The following ALKAL1 variants were observed in gnomAD, a reference collection of about 807,000 sequenced individuals.
ALKAL1 encodes AUG-beta.
Under a neutral mutation model 13.5 loss-of-function variants are expected in ALKAL1, and 23 were observed. The observed-to-expected ratio is 1.70, with a 90% CI of 1.23 to 2.41. The LOEUF (loss-of-function observed/expected upper bound fraction) is 2.41, where lower values mean the gene tolerates loss of function less well. Among genes scored for constraint, ALKAL1 ranks in the 30% most tolerant of loss-of-function variants. ALKAL1 has a pLI of 0.00. For synonymous variants in ALKAL1, 85 were observed against 77.7 expected (o/e 1.09, Z -0.49); for missense variants, 181 against 178.4 (o/e 1.01, Z -0.08).
At chr8:52,536,882 A>G (rs1248541700) in intron 4 of ALKAL1, among the ~76,000 whole-genome samples, 2 of 152,358 alleles carry the variant, frequency 1.3e-5, no homozygotes, top group Middle Eastern at 3.4e-3. Context: ...GATATTTTAA[A>G]CTAATTCATT....
At chr8:52,563,999 T>C (rs1431335300) in intron 1 of ALKAL1, among the ~76,000 whole-genome samples, 4 of 152,250 alleles carry the variant, frequency 2.6e-5, no homozygotes, top group African/African-American at 4.8e-5. Context: ...AATAAGTATA[T>C]ATTTATATCA....
intron 1 of ALKAL1, among the ~76,000 whole-genome samples, chr8:52,549,994 T>C (rs1006073273): frequency 6.6e-6 from 1 of 152,278 alleles, no homozygotes; most frequent in East Asian, 1.9e-4. Flanking sequence ...AAAAATAAAC[T>C]GTCATAAAAT....
At chr8:52,538,973 G>A (rs1847288415) in intron 3 of ALKAL1, among the ~76,000 whole-genome samples, 1 of 150,794 alleles carries the variant, frequency 6.6e-6, no homozygotes, top group South Asian at 2.1e-4. Flanking sequence ...TGTATTTTTG[G>A]TAGAGACAGG....
intron 1 of ALKAL1, among the ~76,000 whole-genome samples, chr8:52,547,477 G>A (rs1276354372): frequency 6.6e-6 from 1 of 152,106 alleles, no homozygotes; most frequent in Non-Finnish European, 1.5e-5. Flanking sequence ...TCCAGCCTGG[G>A]TGACAGAGCA....
intron 1 of ALKAL1, among the ~76,000 whole-genome samples, chr8:52,563,379 C>T (rs952041242): frequency 6.6e-6 from 1 of 152,048 alleles, no homozygotes; most frequent in African/African-American, 2.4e-5. Flanking sequence ...TGCAATGAGC[C>T]GAGATCACGC....
rs1005852200 is a variant in ALKAL1, at chr8:52,565,045, G to A, written c.190+22C>T. The A allele has an allele frequency of 8.8e-6, 12 of 1,365,058 alleles. No homozygotes were observed. In the Admixed American group the frequency reaches 1.8e-4, roughly 21 times the overall value. 84.6% of individuals were successfully genotyped at this position (1,365,058 alleles called of 1,614,324 possible). On this transcript the variant is annotated intron_variant, in intron 1 of 4. Coordinates refer to ENST00000358543, the MANE Select transcript of ALKAL1 (RefSeq NM_207413.4). ...AGCCCCAGGCGCAGGGCAAAGGATG[G>A]GGCGGGATGGGGACATCGTACCTGC...
rs1186899335 is a variant in ALKAL1 at position 52,565,390 on chromosome 8, C to T, written c.-134G>A. ...GCCGGCCGCAGTCTTCACCGCGCGC[C>T]TGCCCTTGTCTACGTCCCGGGGGTC... is the stretch of plus-strand genomic sequence containing the variant. On this transcript the variant is annotated 5_prime_UTR_variant, in exon 1 of 5. Transcript: ENST00000358543. 4 of 616,580 alleles carry T rather than the reference C, an allele frequency of 6.5e-6. No individual in the cohort carries two copies. The highest frequency in any genetic ancestry group is 1.9e-5 in the African/African-American group (1 of 52,308). 38.2% of individuals were successfully genotyped at this position (616,580 alleles called of 1,614,324 possible).
At chr8:52,552,515 G>A (rs1301709631) in intron 1 of ALKAL1, among the ~76,000 whole-genome samples, 1 of 152,140 alleles carries the variant, frequency 6.6e-6, no homozygotes, top group Non-Finnish European at 1.5e-5. Flanking sequence ...GTATCTACAT[G>A]CATTATTTAG....
intron 3 of ALKAL1, 76 bp from the exon 4 acceptor site, chr8:52,538,583 T>A: frequency 1.1e-6 from 1 of 898,234 alleles, no homozygotes; most frequent in Non-Finnish European, 1.8e-6. Context: ...TTATTGTCAC[T>A]AATTCATATA....
At chr8:52,558,141 T>C (rs1365743789) in intron 1 of ALKAL1, among the ~76,000 whole-genome samples, 2 of 149,992 alleles carry the variant, frequency 1.3e-5, no homozygotes, top group Non-Finnish European at 3.0e-5. Flanking sequence ...TACATATATA[T>C]ATACACGTAT....
chr8:52,542,468 C>A, intron 1 of ALKAL1, 23 bp from the exon 2 acceptor site: 1 of 1,411,234 alleles, frequency 7.1e-7, no homozygotes. Flanking sequence ...AAAAAACCAT[C>A]AGAATTTATT....
intron 2 of ALKAL1, among the ~76,000 whole-genome samples, chr8:52,541,423 C>T (rs947199424): frequency 6.6e-6 from 1 of 152,178 alleles, no homozygotes; most frequent in East Asian, 1.9e-4. Flanking sequence ...GAGCCATGAT[C>T]TCACCACTGA....
Position 52,542,450 on chromosome 8 carries a change from A to G in ALKAL1, c.191-5T>C, listed in dbSNP as rs1847323591. 6.7e-7 allele frequency: 1 copy of G among 1,494,950 alleles called. No homozygotes were observed. The highest frequency in any genetic ancestry group is 9.2e-7 in the Non-Finnish European group (1 of 1,089,102). 92.6% of individuals were successfully genotyped at this position (1,494,950 alleles called of 1,614,324 possible). On this transcript the variant is annotated splice_polypyrimidine_tract_variant and splice_region_variant and intron_variant, in intron 1 of 4. Coordinates refer to ENST00000358543, the MANE Select transcript of ALKAL1 (RefSeq NM_207413.4). Reference sequence around the variant, plus strand: ...TAGAGTCTCTTGGGAATATTTCTGAAAAGAAAAAAAAAACCATCAGAATTT... The same window carrying G: ...TAGAGTCTCTTGGGAATATTTCTGAGAAGAAAAAAAAAACCATCAGAATTT...
chr8:52,552,474 T>G (rs1248674571), intron 1 of ALKAL1, among the ~76,000 whole-genome samples: 1 of 152,226 alleles, frequency 6.6e-6, no homozygotes, highest in East Asian at 1.9e-4. Flanking sequence ...ACTTGAGGAC[T>G]GGGGAGTTGT....
chr8:52,545,989 C>T (rs1847364894), intron 1 of ALKAL1, among the ~76,000 whole-genome samples: 1 of 152,204 alleles, frequency 6.6e-6, no homozygotes, highest in South Asian at 2.1e-4. Flanking sequence ...TCCTAGGCTA[C>T]AAAACCTGTT....
rs553877644 is a variant in ALKAL1, at chr8:52,557,581, G to A, written c.190+7486C>T. Among the ~76,000 whole-genome samples the A allele has an allele frequency of 1.2e-3, 179 of 152,162 alleles. 1 individual carries two copies. Among genetic ancestry groups the A allele is most frequent in the African/African-American group, 4.2e-3 (174 of 41,502 alleles). On this transcript the variant is annotated intron_variant, in intron 1 of 4. Coordinates refer to ENST00000358543, the MANE Select transcript of ALKAL1 (RefSeq NM_207413.4). The stretch of plus-strand genomic sequence containing the variant: ...AATAAAGATCAGACTTTTTTTAACG[G>A]TTGGCTCACATAATTTGCCTTATGT...
rs1456617108 is a variant in ALKAL1, at chr8:52,562,575, T to G, written c.190+2492A>C. ...GTCTGGTCCCTCCTGCCTCAGGGTT[T>G]CCTGGTTACTACTCCCTCTACCTGG... On this transcript the variant is annotated intron_variant, in intron 1 of 4. Transcript: ENST00000358543. Among the ~76,000 whole-genome samples the G allele has an allele frequency of 2.6e-5, 4 of 152,116 alleles. No individual in the cohort carries two copies. In the East Asian group the frequency reaches 7.7e-4, roughly 29 times the overall value.
intron 1 of ALKAL1, among the ~76,000 whole-genome samples, chr8:52,563,199 C>G (rs961341196): frequency 3.3e-5 from 5 of 152,152 alleles, no homozygotes; most frequent in African/African-American, 1.2e-4. Flanking sequence ...AGGCAGATCA[C>G]TTGAGGTCAG....
chr8:52,539,169 A>T (rs541417251), intron 3 of ALKAL1, among the ~76,000 whole-genome samples: 28 of 152,346 alleles, frequency 1.8e-4, no homozygotes, highest in African/African-American at 6.3e-4. Context: ...ATATTCCTCA[A>T]GATGAGCAAT....
Sources: allele counts gnomAD v4.1 joint callset (sites outside exome capture counted in the v4.1 genomes callset), GRCh38; gene constraint gnomAD v4.1.1; transcripts MANE v1.5; gene names NCBI Gene and HGNC (gene_info 2026-07-23, HGNC 2026-07-21).